PAPOLA: variants seen among roughly 807,000 people sequenced by gnomAD.
PAPOLA encodes the protein polynucleotide adenylyltransferase alpha.
In PAPOLA, 15 loss-of-function variants were observed where a neutral mutation model predicts 100.6. That is an observed-to-expected ratio of 0.15 (90% CI 0.10 to 0.23). The LOEUF is 0.23. Among genes scored for constraint, PAPOLA ranks in the 10% least tolerant of loss-of-function variants. The pLI, the probability that PAPOLA is intolerant of heterozygous loss-of-function variation, is 1.00. For synonymous variants in PAPOLA, 293 were observed against 300.0 expected, an observed-to-expected ratio of 0.98 and a Z score of 0.24; for missense variants, 533 against 884.2, an observed-to-expected ratio of 0.60 and a Z score of 5.04.
chr14:96,536,170 C>G (rs1899509375), intron 11 of PAPOLA, among the ~76,000 whole-genome samples, 171 bp downstream of exon 11: 1 of 152,080 alleles, frequency 6.6e-6, no homozygotes, highest in Non-Finnish European at 1.5e-5. Flanking sequence ...AAATTAATTC[C>G]TTTTAGGCAA....
At chr14:96,561,018 G>A (rs1488790311) in intron 20 of PAPOLA, among the ~76,000 whole-genome samples, 1 of 152,180 alleles carries the variant, frequency 6.6e-6, no homozygotes, top group Non-Finnish European at 1.5e-5. Context: ...TGTTATTTCT[G>A]ACTGCAGAAA....
intron 17 of PAPOLA, among the ~76,000 whole-genome samples, chr14:96,555,492 C>T (rs1901239908): frequency 6.6e-6 from 1 of 151,946 alleles, no homozygotes; most frequent in Non-Finnish European, 1.5e-5. Flanking sequence ...TAGCCAGCCG[C>T]CATATGTGAC....
At chr14:96,521,194 G>A in intron 3 of PAPOLA, 122 bp downstream of exon 3, 1 of 655,634 alleles carries the variant, frequency 1.5e-6, no homozygotes, top group Non-Finnish European at 2.8e-6. Flanking sequence ...GTCAATTTTA[G>A]ACTATTGATA....
At chr14:96,516,401 C>T (rs1232355400) in intron 1 of PAPOLA, among the ~76,000 whole-genome samples, 1 of 151,592 alleles carries the variant, frequency 6.6e-6, no homozygotes, top group Non-Finnish European at 1.5e-5. Context: ...TCCCTCCCTC[C>T]CTCCCTCCTG....
At chr14:96,557,215 T>TA (rs1001247102) in intron 19 of PAPOLA, among the ~76,000 whole-genome samples, 1 of 152,000 alleles carries the variant, frequency 6.6e-6, no homozygotes, top group Non-Finnish European at 1.5e-5. Flanking sequence ...CTGCCTAATT[T>TA]AAAAAAAGAT....
chr14:96,509,757 AAC>A (rs1457741405), intron 1 of PAPOLA, among the ~76,000 whole-genome samples: 2 of 152,218 alleles, frequency 1.3e-5, no homozygotes, highest in Non-Finnish European at 2.9e-5. Context: ...AATGTATGTA[AAC>A]ACAAAAGGAA....
chr14:96,538,714 T>G (rs74086715), intron 12 of PAPOLA, among the ~76,000 whole-genome samples: 2,601 of 152,160 alleles, frequency 0.017, 67 homozygotes, highest in African/African-American at 0.059. Context: ...GAAATTTGCC[T>G]CTTTAAGATA....
At chr14:96,555,820 G>C in intron 17 of PAPOLA, 27 bp from the exon 18 acceptor site, 1 of 1,204,886 alleles carries the variant, frequency 8.3e-7, no homozygotes, top group Non-Finnish European at 1.2e-6. Context: ...TAAATTTTGA[G>C]ACAATTTTTA....
intron 1 of PAPOLA, among the ~76,000 whole-genome samples, chr14:96,515,210 T>A (rs184639058): frequency 5.4e-4 from 82 of 152,260 alleles, no homozygotes; most frequent in South Asian, 2.1e-3. Context: ...TTGATGAAAA[T>A]AATTTAAATA....
At chr14:96,529,548 C>A (rs945431476) in intron 6 of PAPOLA, among the ~76,000 whole-genome samples, 4 of 151,774 alleles carry the variant, frequency 2.6e-5, no homozygotes, top group African/African-American at 9.7e-5. Flanking sequence ...CGTTGAAACC[C>A]TGTCTGTACT....
chr14:96,535,641 A>T (rs543853265), intron 10 of PAPOLA: 5 of 1,017,868 alleles, frequency 4.9e-6, no homozygotes, highest in Non-Finnish European at 4.9e-6. Flanking sequence ...CAGCAGGCAC[A>T]CTTTCTAGTA....
intron 1 of PAPOLA, among the ~76,000 whole-genome samples, chr14:96,517,094 GC>G (rs1372534144): frequency 2.6e-5 from 4 of 152,146 alleles, no homozygotes; most frequent in African/African-American, 9.7e-5. Flanking sequence ...GAAGTTTATT[GC>G]TTGAAGCTAC....
Position 96,566,124 on chromosome 14 carries a change from GT to G in PAPOLA, c.*1075del, listed in dbSNP as rs1902252579. ...ACACTCCACAGAACTCCTATCTATA[GT>G]AAAATTGATTTTCAGTTTTAAATGT... is the stretch of plus-strand genomic sequence containing the variant. On this transcript the variant is annotated 3_prime_UTR_variant, in exon 22 of 22. Transcript: ENST00000216277. 2.6e-6 allele frequency: 1 copy of G among 390,924 alleles called. No homozygotes were observed. The highest frequency in any genetic ancestry group is 4.4e-5 in the Admixed American group (1 of 22,576). 24.2% of individuals were successfully genotyped at this position (390,924 alleles called of 1,614,324 possible).
At chr14:96,525,500 G>C (rs1340767102) in intron 4 of PAPOLA, 109 bp downstream of exon 4, 2 of 555,744 alleles carry the variant, frequency 3.6e-6, no homozygotes, top group Non-Finnish European at 6.4e-6. Context: ...GCATGGAAGA[G>C]AGAGTGCTTT....
intron 3 of PAPOLA, among the ~76,000 whole-genome samples, chr14:96,522,101 C>T (rs1898022513): frequency 7.0e-6 from 1 of 143,636 alleles, no homozygotes; most frequent in Non-Finnish European, 1.5e-5. Flanking sequence ...CTGCATCTAG[C>T]CTCTTTCTTT....
At chr14:96,507,625 T>G (rs1009385220) in intron 1 of PAPOLA, among the ~76,000 whole-genome samples, 1 of 152,234 alleles carries the variant, frequency 6.6e-6, no homozygotes, top group East Asian at 1.9e-4. Flanking sequence ...TCTTGTTATT[T>G]AAATGAATAA....
chr14:96,503,741 G>A (rs979768101), intron 1 of PAPOLA, among the ~76,000 whole-genome samples: 2 of 151,850 alleles, frequency 1.3e-5, no homozygotes, highest in South Asian at 2.1e-4. Flanking sequence ...AGTAACTCAG[G>A]TCTATTTTTT....
chr14:96,555,934 T>C lies in PAPOLA; in HGVS notation c.1752T>C (p.Ser584=). Residue 584 remains serine (S), a synonymous_variant, in exon 18 of 22, where the codon AGT becomes AGC. Transcript: ENST00000216277. ...TTTCTGTGCCACAAGTAAATTCCAGTGAAAGCTCAGGGGGTAAGGAGATTG... is the reference window on the plus strand; with the variant it reads ...TTTCTGTGCCACAAGTAAATTCCAGCGAAAGCTCAGGGGGTAAGGAGATTG... ...TEVSVPQVNS[S]ESSGGTSSES... is the part of the protein sequence containing the mutation. 6.2e-7 allele frequency: 1 copy of C among 1,601,836 alleles called. No individual in the cohort carries two copies. Among genetic ancestry groups the C allele is most frequent in the Non-Finnish European group, 8.6e-7 (1 of 1,168,908 alleles).
intron 19 of PAPOLA, among the ~76,000 whole-genome samples, chr14:96,558,768 C>G (rs1194855753): frequency 1.3e-5 from 2 of 152,048 alleles, no homozygotes; most frequent in Non-Finnish European, 2.9e-5. Context: ...TCTTAAAAAT[C>G]ATATCTAAGA....
Sources: gnomAD v4.1 joint callset for allele counts (sites outside exome capture counted in the v4.1 genomes callset) on GRCh38, gnomAD v4.1.1 for gene constraint, MANE v1.5 for transcripts, NCBI Gene and HGNC (gene_info 2026-07-23, HGNC 2026-07-21) for gene names.